LYPD6B: variants seen among roughly 807,000 people sequenced by gnomAD.
The protein encoded by LYPD6B is LY6/PLAUR domain containing 6B, also known as ly6/PLAUR domain-containing protein 6B.
In LYPD6B, 17 loss-of-function variants were observed where a neutral mutation model predicts 22.8. The observed-to-expected ratio is 0.75, with a 90% CI of 0.51 to 1.12. LYPD6B has a LOEUF of 1.12. LYPD6B is among the 50% of genes most tolerant of loss of function. The probability of loss-of-function intolerance (pLI) is 0.00; values close to 1 mark genes in which losing one functional copy is unlikely to be tolerated. For synonymous variants in LYPD6B, 106 were observed against 91.6 expected, an observed-to-expected ratio of 1.16 and a Z score of -0.90; for missense variants, 221 against 258.3, an observed-to-expected ratio of 0.86 and a Z score of 0.99.
At chr2:149,085,228 C>T (rs1238025412) in intron 1 of LYPD6B, among the ~76,000 whole-genome samples, 1 of 152,200 alleles carries the variant, frequency 6.6e-6, no homozygotes, top group Non-Finnish European at 1.5e-5. Flanking sequence ...GCAAACAGGC[C>T]ATCTGTGTTT....
At chr2:149,112,232 T>C (rs1686792985) in intron 1 of LYPD6B, among the ~76,000 whole-genome samples, 1 of 152,176 alleles carries the variant, frequency 6.6e-6, no homozygotes, top group African/African-American at 2.4e-5. Context: ...AAGTTCCCTG[T>C]AGTTACCTCT....
At chr2:149,113,229 T>A (rs1176045544) in intron 1 of LYPD6B, among the ~76,000 whole-genome samples, 1 of 152,220 alleles carries the variant, frequency 6.6e-6, no homozygotes, top group African/African-American at 2.4e-5. Flanking sequence ...TGTCTTTGTG[T>A]CATTATTTAT....
At chr2:149,060,486 A>G (rs1204308959) in intron 1 of LYPD6B, among the ~76,000 whole-genome samples, 1 of 152,176 alleles carries the variant, frequency 6.6e-6, no homozygotes, top group Non-Finnish European at 1.5e-5. Context: ...GTATTAGTTA[A>G]CTGGTGTAAT....
At chr2:149,045,474 T>C (rs1456425683) in intron 1 of LYPD6B, among the ~76,000 whole-genome samples, 3 of 152,068 alleles carry the variant, frequency 2.0e-5, no homozygotes, top group African/African-American at 7.2e-5. Flanking sequence ...AATGTACTCT[T>C]CTATTTTTTA....
rs1234052460 is a variant in LYPD6B at position 149,214,935 on chromosome 2, G to C, written c.*225G>C. 9.0e-6 allele frequency: 5 copies of C among 552,946 alleles called. No homozygotes were observed. The highest frequency in any genetic ancestry group is 3.1e-5 in the Admixed American group (1 of 32,628). 34.3% of individuals were successfully genotyped at this position (552,946 alleles called of 1,614,324 possible). ...CCTGAGAAGATGGTCTGACTTCCAG[G>C]CTTCCTGGTCAAAGAGAGCTACGTT... On this transcript the variant is annotated 3_prime_UTR_variant, in exon 7 of 7. Transcript: ENST00000409642.
Position 149,066,803 on chromosome 2 carries a change from T to C in LYPD6B, c.-67+28002T>C, listed in dbSNP as rs193183306. 2.4e-3 allele frequency among the ~76,000 whole-genome samples: 360 copies of C among 152,186 alleles called. 3 individuals are homozygous for C. The highest frequency in any genetic ancestry group is 0.016 in the South Asian group (75 of 4,814). Reference sequence around the variant, plus strand: ...CTCATTTGCTCTCATCCTCTATTTATTATTCCTTGGTTTCTTTTATTTTAG... The same window carrying C: ...CTCATTTGCTCTCATCCTCTATTTACTATTCCTTGGTTTCTTTTATTTTAG... On this transcript the variant is annotated intron_variant, in intron 1 of 6. Transcript: ENST00000409642.
intron 2 of LYPD6B, among the ~76,000 whole-genome samples, chr2:149,149,547 A>T (rs1222786783): frequency 6.6e-6 from 1 of 152,206 alleles, no homozygotes; most frequent in African/African-American, 2.4e-5. Flanking sequence ...ATCCCTGTAA[A>T]AGATACAAAG....
intron 1 of LYPD6B, chr2:149,118,076 C>G (rs1322320297): frequency 2.0e-5 from 3 of 152,166 alleles, no homozygotes; most frequent in Admixed American, 6.5e-5. Context: ...ATCCAAGAGA[C>G]CAAGACAGAA....
At chr2:149,116,973 CG>C (rs1477252128) in intron 1 of LYPD6B, among the ~76,000 whole-genome samples, 6 of 152,046 alleles carry the variant, frequency 3.9e-5, no homozygotes. Flanking sequence ...GCAGAATCCC[CG>C]TCTTCCTAAT....
intron 1 of LYPD6B, among the ~76,000 whole-genome samples, chr2:149,092,165 G>C (rs1685683292): frequency 1.3e-5 from 2 of 152,010 alleles, no homozygotes; most frequent in African/African-American, 4.8e-5. Flanking sequence ...TAGGAAATGG[G>C]GATTGGTGGT....
At chr2:149,075,358 G>T (rs894720192) in intron 1 of LYPD6B, among the ~76,000 whole-genome samples, 2 of 150,816 alleles carry the variant, frequency 1.3e-5, no homozygotes, top group Non-Finnish European at 3.0e-5. Flanking sequence ...TTTCTATTTA[G>T]ATGGGTCTAT....
At chr2:149,134,538 C>G (rs1205668547) in intron 2 of LYPD6B, among the ~76,000 whole-genome samples, 1 of 152,184 alleles carries the variant, frequency 6.6e-6, no homozygotes, top group East Asian at 1.9e-4. Flanking sequence ...ACTGCCCCTG[C>G]AATTCAGATC....
chr2:149,067,340 T>C (rs1282098275), intron 1 of LYPD6B, among the ~76,000 whole-genome samples: 1 of 152,162 alleles, frequency 6.6e-6, no homozygotes, highest in East Asian at 1.9e-4. Flanking sequence ...TTAATAAATA[T>C]TTTAATCTTT....
chr2:149,198,821 T>C (rs1692984553), intron 3 of LYPD6B, among the ~76,000 whole-genome samples: 1 of 152,226 alleles, frequency 6.6e-6, no homozygotes. Context: ...TGAAATGTGA[T>C]GGGACTGCTG....
intron 3 of LYPD6B, among the ~76,000 whole-genome samples, chr2:149,179,133 T>A (rs1436862537): frequency 6.6e-6 from 1 of 152,194 alleles, no homozygotes; most frequent in African/African-American, 2.4e-5. Flanking sequence ...CCCACAGTGA[T>A]GCTGAAGTGC....
At chr2:149,057,828 G>A (rs1168322046) in intron 1 of LYPD6B, among the ~76,000 whole-genome samples, 2 of 152,164 alleles carry the variant, frequency 1.3e-5, no homozygotes, top group African/African-American at 2.4e-5. Flanking sequence ...ACCGTTTCAG[G>A]GGTGAGCTGG....
At chr2:149,068,569 G>T in intron 1 of LYPD6B, 1 of 336,240 alleles carries the variant, frequency 3.0e-6, no homozygotes, top group Non-Finnish European at 6.2e-6. Context: ...CCAATGGTTG[G>T]TTATGTTTTC....
At position 149,202,604 on chromosome 2, in the gene LYPD6B, G is replaced by A. The variant is rs1693233803; in HGVS notation, c.78-2649G>A. Among the ~76,000 whole-genome samples, 3 of 152,032 alleles carry A rather than the reference G, an allele frequency of 2.0e-5. No individual in the cohort carries two copies. In the South Asian group the frequency reaches 6.2e-4, roughly 32 times the overall value. On this transcript the variant is annotated intron_variant, in intron 3 of 6. Coordinates refer to ENST00000409642, the MANE Select transcript of LYPD6B (RefSeq NM_177964.5). ...TTATGACTATCTGAAATTATGTTTT[G>A]CCCGCATGTATTGCCTGTTTTCTCC...
intron 1 of LYPD6B, among the ~76,000 whole-genome samples, chr2:149,110,128 C>A (rs371583063): frequency 6.6e-6 from 1 of 152,234 alleles, no homozygotes; most frequent in East Asian, 1.9e-4. Context: ...ACCCATTAAT[C>A]CCATCCAATG....
Sources: gnomAD v4.1 joint callset for allele counts (sites outside exome capture counted in the v4.1 genomes callset) on GRCh38, gnomAD v4.1.1 for gene constraint, MANE v1.5 for transcripts, NCBI Gene and HGNC (gene_info 2026-07-23, HGNC 2026-07-21) for gene names.